TECRL: variants seen among roughly 807,000 people sequenced by gnomAD.
TECRL encodes trans-2,3-enoyl-CoA reductase like, also known as trans-2,3-enoyl-CoA reductase-like.
In TECRL, 63 loss-of-function variants were observed where a neutral mutation model predicts 52.8. That is an observed-to-expected ratio of 1.19 (90% CI 0.97 to 1.47). The LOEUF (loss-of-function observed/expected upper bound fraction) is 1.47, where lower values mean the gene tolerates loss of function less well. TECRL is among the 40% of genes most tolerant of loss of function. TECRL has a pLI of 0.00. For synonymous variants in TECRL, 164 were observed against 141.9 expected (o/e 1.16, Z -1.10); for missense variants, 482 against 429.6 (o/e 1.12, Z -1.08).
At chr4:64,325,668 G>T (rs1050051779) in intron 3 of TECRL, among the ~76,000 whole-genome samples, 1 of 152,076 alleles carries the variant, frequency 6.6e-6, no homozygotes, top group Non-Finnish European at 1.5e-5. Context: ...ACAAGAAAAT[G>T]TTAAAAAGGA....
chr4:64,393,752 G>A (rs1317980813), intron 1 of TECRL, among the ~76,000 whole-genome samples: 1 of 151,638 alleles, frequency 6.6e-6, no homozygotes, highest in Non-Finnish European at 1.5e-5. Context: ...ATAGACTCAA[G>A]GAAGAATTGT....
rs1470957889 is a variant in TECRL, at chr4:64,357,382, A to G, written c.286+17790T>C. 1.2e-4 allele frequency among the ~76,000 whole-genome samples: 18 copies of G among 151,578 alleles called. No individual in the cohort carries two copies. The Admixed American group carries it at 1.2e-3, about 10-fold the overall frequency. ...GGTATTCAAGTTTACCCTGAAAAATAAATAGAAGAGATGTCAAGAAGTTAT... is the reference window on the plus strand; with the variant it reads ...GGTATTCAAGTTTACCCTGAAAAATGAATAGAAGAGATGTCAAGAAGTTAT... On this transcript the variant is annotated intron_variant, in intron 2 of 11. Transcript: ENST00000381210.
intron 8 of TECRL, among the ~76,000 whole-genome samples, chr4:64,294,256 G>T (rs1219607418): frequency 6.6e-6 from 1 of 151,948 alleles, no homozygotes; most frequent in Non-Finnish European, 1.5e-5. Context: ...CAAAGAGCTG[G>T]GATTACAGGT....
chr4:64,370,850 TCTAAA>T (rs1462393907), intron 2 of TECRL, among the ~76,000 whole-genome samples: 1 of 151,900 alleles, frequency 6.6e-6, no homozygotes. Context: ...AATATGCTAA[TCTAAA>T]CTAAAATATC....
intron 2 of TECRL, among the ~76,000 whole-genome samples, chr4:64,335,007 C>T (rs1246330879): frequency 6.6e-6 from 1 of 152,144 alleles, no homozygotes; most frequent in Non-Finnish European, 1.5e-5. Flanking sequence ...AGTGACAGTC[C>T]TCCCAATTTT....
chr4:64,365,692 A>C (rs944772650), intron 2 of TECRL, among the ~76,000 whole-genome samples: 5 of 152,090 alleles, frequency 3.3e-5, no homozygotes, highest in African/African-American at 9.7e-5. Flanking sequence ...TGATGTCTAC[A>C]ATAAGAATTA....
chr4:64,399,396 A>T (rs146474057), intron 1 of TECRL, among the ~76,000 whole-genome samples: 1 of 152,204 alleles, frequency 6.6e-6, no homozygotes, highest in Non-Finnish European at 1.5e-5. Context: ...AGAAAAAAAA[A>T]GAGTTTTTTG....
chr4:64,328,717 C>T (rs1718427056), intron 2 of TECRL, among the ~76,000 whole-genome samples, 161 bp from the exon 3 acceptor site: 1 of 151,714 alleles, frequency 6.6e-6, no homozygotes, highest in African/African-American at 2.4e-5. Flanking sequence ...AGGGTACTGA[C>T]CAGCAATGAC....
At chr4:64,291,483 T>C (rs1723385622) in intron 8 of TECRL, among the ~76,000 whole-genome samples, 1 of 151,932 alleles carries the variant, frequency 6.6e-6, no homozygotes, top group Non-Finnish European at 1.5e-5. Context: ...AAATAGAAAA[T>C]ATTATAAAAT....
chr4:64,347,844 T>C lies in TECRL; in HGVS notation c.287-19288A>G, dbSNP rs1560518165. Among the ~76,000 whole-genome samples, 4 of 152,132 alleles carry C rather than the reference T, an allele frequency of 2.6e-5. No individual in the cohort carries two copies. The South Asian group carries it at 8.3e-4, about 31-fold the overall frequency. ...GAGCCAAACCATATCATTTACCCCATGGCGCCTCCCAAATCTAATGTCTTT... is the reference window on the plus strand; with the variant it reads ...GAGCCAAACCATATCATTTACCCCACGGCGCCTCCCAAATCTAATGTCTTT... On this transcript the variant is annotated intron_variant, in intron 2 of 11. Transcript: ENST00000381210.
intron 1 of TECRL, among the ~76,000 whole-genome samples, chr4:64,386,502 A>G (rs2109730577): frequency 6.6e-6 from 1 of 152,210 alleles, no homozygotes; most frequent in South Asian, 2.1e-4. Context: ...AGTCAGCTGT[A>G]TGCATATATA....
intron 4 of TECRL, among the ~76,000 whole-genome samples, chr4:64,318,960 T>C (rs1431889246): frequency 6.6e-6 from 1 of 151,884 alleles, no homozygotes; most frequent in Non-Finnish European, 1.5e-5. Context: ...ATATGGAAAA[T>C]TATATTGTAC....
chr4:64,333,715 T>C (rs970395670), intron 2 of TECRL, among the ~76,000 whole-genome samples: 2 of 152,034 alleles, frequency 1.3e-5, no homozygotes, highest in African/African-American at 2.4e-5. Context: ...AAATAGGAAG[T>C]GTCATGGCAT....
At chr4:64,282,211 T>A (rs878977886) in intron 9 of TECRL, among the ~76,000 whole-genome samples, 1 of 151,984 alleles carries the variant, frequency 6.6e-6, no homozygotes, top group African/African-American at 2.4e-5. Context: ...CCCCTTTCAC[T>A]TGTTTTTAAG....
intron 2 of TECRL, among the ~76,000 whole-genome samples, chr4:64,351,601 T>C (rs1268139688): frequency 2.6e-5 from 4 of 152,144 alleles, no homozygotes; most frequent in Non-Finnish European, 5.9e-5. Context: ...TTTCCCAATA[T>C]ATATTAATAG....
chr4:64,368,476 A>C (rs991636128), intron 2 of TECRL, among the ~76,000 whole-genome samples: 1 of 151,894 alleles, frequency 6.6e-6, no homozygotes, highest in Non-Finnish European at 1.5e-5. Flanking sequence ...TTGTATTTTT[A>C]GTAGAGACGG....
chr4:64,297,334 G>A (rs1723744784), intron 8 of TECRL, among the ~76,000 whole-genome samples: 1 of 151,008 alleles, frequency 6.6e-6, no homozygotes, highest in African/African-American at 2.4e-5. Context: ...TTTACATAAC[G>A]ACAGGAACAA....
chr4:64,379,148 T>C (rs1391152543), intron 1 of TECRL, among the ~76,000 whole-genome samples: 2 of 151,978 alleles, frequency 1.3e-5, no homozygotes. Flanking sequence ...CTCTTTTATA[T>C]GAAAAATTTT....
At chr4:64,379,926 A>G (rs557449335) in intron 1 of TECRL, among the ~76,000 whole-genome samples, 42 of 152,164 alleles carry the variant, frequency 2.8e-4, no homozygotes, top group Admixed American at 5.2e-4. Flanking sequence ...CCCAGGGTGG[A>G]AGTCTGGAAT....
Sources: gnomAD v4.1 joint callset for allele counts (sites outside exome capture counted in the v4.1 genomes callset) on GRCh38, gnomAD v4.1.1 for gene constraint, MANE v1.5 for transcripts, NCBI Gene and HGNC (gene_info 2026-07-23, HGNC 2026-07-21) for gene names.